Variants in PPM1L observed in about 807,000 individuals in gnomAD.
PPM1L encodes protein phosphatase 1L.
Under a neutral mutation model 31.4 loss-of-function variants are expected in PPM1L, and 13 were observed. The observed-to-expected ratio is 0.41, with a 90% confidence interval of 0.27 to 0.66. PPM1L has a LOEUF of 0.66. Ranked by LOEUF, PPM1L falls within the 30% of genes least tolerant of loss-of-function variation. The pLI is 0.29. For synonymous variants in PPM1L, 184 were observed against 175.4 expected (o/e 1.05, Z -0.39); for missense variants, 326 against 453.7 (o/e 0.72, Z 2.56).
chr3:160,860,680 A>G (rs1711855305), intron 1 of PPM1L, among the ~76,000 whole-genome samples: 1 of 152,194 alleles, frequency 6.6e-6, no homozygotes, highest in African/African-American at 2.4e-5. Context: ...ATGAAAGACC[A>G]TAGATGAGTG....
intron 2 of PPM1L, among the ~76,000 whole-genome samples, chr3:161,013,274 G>A (rs1025245401): frequency 2.6e-5 from 4 of 152,052 alleles, no homozygotes; most frequent in Non-Finnish European, 4.4e-5. Context: ...CCTTCATTTC[G>A]TTATGCACCC....
At chr3:160,799,470 A>T (rs944725092) in intron 1 of PPM1L, among the ~76,000 whole-genome samples, 3 of 152,266 alleles carry the variant, frequency 2.0e-5, no homozygotes, top group Non-Finnish European at 2.9e-5. Context: ...ACTAGTTTTA[A>T]TTAAGATATG....
intron 1 of PPM1L, among the ~76,000 whole-genome samples, chr3:160,895,904 A>G (rs1334710104): frequency 6.6e-6 from 1 of 152,172 alleles, no homozygotes; most frequent in Non-Finnish European, 1.5e-5. Flanking sequence ...TTATCTTTCA[A>G]AATTTTACCC....
intron 2 of PPM1L, among the ~76,000 whole-genome samples, chr3:160,979,264 T>G (rs908677342): frequency 5.3e-5 from 8 of 152,038 alleles, no homozygotes; most frequent in Non-Finnish European, 8.8e-5. Context: ...CTTATTCCAG[T>G]TCAGGGTTAC....
intron 1 of PPM1L, among the ~76,000 whole-genome samples, chr3:160,872,454 C>T (rs1207486345): frequency 1.3e-5 from 2 of 152,156 alleles, no homozygotes; most frequent in African/African-American, 4.8e-5. Flanking sequence ...TAGCAGTCAA[C>T]AAGACAAACA....
chr3:160,906,284 A>G (rs1713754143), intron 1 of PPM1L, among the ~76,000 whole-genome samples: 1 of 152,172 alleles, frequency 6.6e-6, no homozygotes, highest in South Asian at 2.1e-4. Flanking sequence ...AACAGCAAAT[A>G]TTTGTATAAT....
intron 1 of PPM1L, among the ~76,000 whole-genome samples, chr3:160,912,173 T>G (rs1310295090): frequency 6.6e-6 from 1 of 152,162 alleles, no homozygotes; most frequent in Non-Finnish European, 1.5e-5. Context: ...ATGTGGGGTA[T>G]GTAATCTGCA....
chr3:160,814,515 A>G (rs558941151), intron 1 of PPM1L, among the ~76,000 whole-genome samples: 2 of 118,322 alleles, frequency 1.7e-5, no homozygotes, highest in African/African-American at 7.8e-5. Flanking sequence ...ATGTGTATAT[A>G]TATACACACA....
intron 1 of PPM1L, among the ~76,000 whole-genome samples, chr3:160,857,117 C>T (rs954731600): frequency 1.3e-5 from 2 of 152,134 alleles, no homozygotes; most frequent in African/African-American, 4.8e-5. Context: ...CTTGATGTTA[C>T]ACTTCTTTTT....
At chr3:161,051,373 T>TACACACACAC (rs5853922) in intron 2 of PPM1L, among the ~76,000 whole-genome samples, 136 of 147,456 alleles carry the variant, frequency 9.2e-4, no homozygotes, top group African/African-American at 3.2e-3. Flanking sequence ...ATTTAGTCAC[T>TACACACACAC]ACACACACAC....
rs1162244272 is a variant in PPM1L at position 160,920,615 on chromosome 3, TCACACACACACACACACACACA to T, written c.400-41119_400-41098del. ...CTCTCTCTCTCTCTCTCTCTCTCTC[TCACACACACACACACACACACA>T]CTCACACACACACACACACACACAC... is the stretch of plus-strand genomic sequence containing the variant. On this transcript the variant is annotated intron_variant, in intron 1 of 3. Transcript: ENST00000498165. Among the ~76,000 whole-genome samples, 19 of 28,708 alleles carry T rather than the reference TCACACACACACACACACACACA, an allele frequency of 6.6e-4. No homozygotes were observed. In the South Asian group the frequency reaches 0.013, roughly 19 times the overall value. The allele number at this position is 28,708 out of a possible 152,430, so 18.8% of individuals were successfully genotyped here.
At chr3:160,812,456 C>T (rs544716797) in intron 1 of PPM1L, among the ~76,000 whole-genome samples, 1 of 152,120 alleles carries the variant, frequency 6.6e-6, no homozygotes, top group Non-Finnish European at 1.5e-5. Flanking sequence ...GGGCTGAGAA[C>T]GTCTAGGTAC....
chr3:160,946,609 T>C (rs1341650049), intron 1 of PPM1L, among the ~76,000 whole-genome samples: 1 of 151,970 alleles, frequency 6.6e-6, no homozygotes, highest in Non-Finnish European at 1.5e-5. Context: ...ATTTGAGTAT[T>C]TTTTTTTCCT....
At chr3:160,773,759 C>G (rs574608968) in intron 1 of PPM1L, among the ~76,000 whole-genome samples, 4 of 152,134 alleles carry the variant, frequency 2.6e-5, no homozygotes, top group African/African-American at 7.2e-5. Context: ...TCTCTAGGAG[C>G]CTCATACTTG....
At chr3:161,068,359 T>C (rs918523065) in intron 3 of PPM1L, among the ~76,000 whole-genome samples, 1 of 152,122 alleles carries the variant, frequency 6.6e-6, no homozygotes, top group Non-Finnish European at 1.5e-5. Context: ...TTGATCCTAT[T>C]TGGGGGGACA....
chr3:160,936,032 C>T (rs886581955), intron 1 of PPM1L, among the ~76,000 whole-genome samples: 2 of 152,150 alleles, frequency 1.3e-5, no homozygotes, highest in African/African-American at 2.4e-5. Context: ...TGAAGTGGGT[C>T]GTTGTTCTAG....
chr3:161,003,626 T>C (rs1170511851), intron 2 of PPM1L, among the ~76,000 whole-genome samples: 1 of 152,162 alleles, frequency 6.6e-6, no homozygotes, highest in African/African-American at 2.4e-5. Flanking sequence ...TCACTCATGA[T>C]TTGGTTCTCT....
intron 1 of PPM1L, among the ~76,000 whole-genome samples, chr3:160,944,424 A>G (rs1004878900): frequency 6.6e-6 from 1 of 151,644 alleles, no homozygotes; most frequent in African/African-American, 2.4e-5. Context: ...TAAATAAAGC[A>G]GCTGCCCTTT....
intron 1 of PPM1L, among the ~76,000 whole-genome samples, chr3:160,808,400 T>TGCGCGCGC (rs1395514270): frequency 8.8e-5 from 13 of 148,370 alleles, no homozygotes; most frequent in African/African-American, 3.3e-4. Flanking sequence ...TGTGTGTGTG[T>TGCGCGCGC]GTGTGTGTGT....
Sources: gnomAD v4.1 joint callset for allele counts (sites outside exome capture counted in the v4.1 genomes callset) on GRCh38, gnomAD v4.1.1 for gene constraint, MANE v1.5 for transcripts, NCBI Gene and HGNC (gene_info 2026-07-23, HGNC 2026-07-21) for gene names.